Variants in PLXNA4 observed in about 807,000 individuals in gnomAD.
PLXNA4 encodes plexin A4.
In PLXNA4, 44 loss-of-function variants were observed where a neutral mutation model predicts 191.8. That is an observed-to-expected ratio of 0.23 (90% CI 0.18 to 0.29). The LOEUF is 0.29. PLXNA4 is among the 10% of genes least tolerant of loss of function. The probability of loss-of-function intolerance (pLI) is 1.00; values close to 1 mark genes in which losing one functional copy is unlikely to be tolerated. For missense variants in PLXNA4, 1,800 were observed against 2,488.8 expected (o/e 0.72, Z 5.89); for synonymous variants, 1,082 against 1,009.5 (o/e 1.07, Z -1.36).
intron 12 of PLXNA4, among the ~76,000 whole-genome samples, 190 bp from the exon 13 acceptor site, chr7:132,198,826 G>C (rs1797336765): frequency 6.6e-6 from 1 of 152,184 alleles, no homozygotes; most frequent in South Asian, 2.1e-4. Flanking sequence ...GTCCATGTTT[G>C]TGTGTGTCAC....
At chr7:132,452,271 A>G (rs1796150395) in intron 3 of PLXNA4, among the ~76,000 whole-genome samples, 1 of 152,206 alleles carries the variant, frequency 6.6e-6, no homozygotes, top group African/African-American at 2.4e-5. Context: ...TCGTTCCAGC[A>G]TGGAGAGATG....
chr7:132,188,457 C>CCAAG (rs1796951924), intron 14 of PLXNA4, among the ~76,000 whole-genome samples: 1 of 152,186 alleles, frequency 6.6e-6, no homozygotes, highest in African/African-American at 2.4e-5. Context: ...CACCAAAAGT[C>CCAAG]GAACCCTCTC....
chr7:132,307,592 G>A (rs1801575727), intron 3 of PLXNA4, among the ~76,000 whole-genome samples: 1 of 151,884 alleles, frequency 6.6e-6, no homozygotes, highest in Non-Finnish European at 1.5e-5. Flanking sequence ...CACTGTAACT[G>A]GGAGATGTTA....
chr7:132,208,661 C>T (rs1257940027), intron 10 of PLXNA4, among the ~76,000 whole-genome samples: 1 of 152,234 alleles, frequency 6.6e-6, no homozygotes, highest in African/African-American at 2.4e-5. Flanking sequence ...GGACATCAGG[C>T]TTCCAGATGT....
rs1183020863 is a variant in PLXNA4, at chr7:132,181,441, A to G, written c.3432T>C (p.Phe1144=). 1 of 1,614,096 alleles carries G rather than the reference A, an allele frequency of 6.2e-7. No homozygotes were observed. The highest frequency in any genetic ancestry group is 8.5e-7 in the Non-Finnish European group (1 of 1,180,020). ...GGATTCCTGAGGGACCAAAGGCCTC[A>G]AACACCGGGTTGGGATAGTAGGTGA... ...TNFTYYPNPV[F]EAFGPSGILE... Residue 1144 remains phenylalanine, a synonymous_variant, in exon 18 of 32, where the codon TTT becomes TTC. Coordinates refer to ENST00000321063, the MANE Select transcript of PLXNA4 (RefSeq NM_020911.2).
intron 8 of PLXNA4, among the ~76,000 whole-genome samples, chr7:132,223,921 T>C (rs1798228405): frequency 6.6e-6 from 1 of 151,994 alleles, no homozygotes; most frequent in Admixed American, 6.6e-5. Context: ...CATCCTCCTT[T>C]TCAAAAGAGG....
chr7:132,572,174 T>A (rs1056544059), intron 1 of PLXNA4, among the ~76,000 whole-genome samples: 4 of 152,196 alleles, frequency 2.6e-5, no homozygotes, highest in Admixed American at 2.6e-4. Context: ...AAGGTCAGAT[T>A]GCTCACAAGT....
chr7:132,529,827 G>A (rs1277075437), intron 1 of PLXNA4, among the ~76,000 whole-genome samples: 3 of 152,072 alleles, frequency 2.0e-5, no homozygotes, highest in South Asian at 2.1e-4. Flanking sequence ...GGATGGTCTC[G>A]ATCTCCAGAC....
chr7:132,286,103 G>C (rs1800673208), intron 4 of PLXNA4, among the ~76,000 whole-genome samples: 1 of 152,164 alleles, frequency 6.6e-6, no homozygotes, highest in African/African-American at 2.4e-5. Context: ...TGGGTTTCTG[G>C]AGCAATTCCC....
At chr7:132,547,211 C>T (rs533957133) in intron 1 of PLXNA4, among the ~76,000 whole-genome samples, 11 of 152,314 alleles carry the variant, frequency 7.2e-5, no homozygotes, top group African/African-American at 2.4e-4. Flanking sequence ...GACCACTTCA[C>T]ACACGTCATC....
intron 4 of PLXNA4, among the ~76,000 whole-genome samples, chr7:132,275,197 A>T (rs1252206984): frequency 6.6e-6 from 1 of 152,054 alleles, no homozygotes; most frequent in Non-Finnish European, 1.5e-5. Flanking sequence ...AAAAATCTTG[A>T]TTTTGTCTTC....
rs772516958 is a variant in PLXNA4 at position 132,146,567 on chromosome 7, C to A, written c.4998G>T (p.Gly1666=). ...KNHEHGDQKE[G]DRGSKMVSEI... Reference sequence around the variant, plus strand: ...CAGACACCATCTTGCTCCCCCGGTCCCCCTCCTTCTGGTCTCCGTGCTCGT... The same window carrying A: ...CAGACACCATCTTGCTCCCCCGGTCACCCTCCTTCTGGTCTCCGTGCTCGT... The change falls in exon 28 of 32, where the codon GGG becomes GGT. Residue 1666 remains glycine, a synonymous_variant. Transcript: ENST00000321063. The A allele has an allele frequency of 6.2e-7, 1 of 1,614,030 alleles. No individual in the cohort carries two copies. The highest frequency in any genetic ancestry group is 1.3e-5 in the African/African-American group (1 of 74,906).
At chr7:132,303,616 G>T (rs1801398721) in intron 3 of PLXNA4, among the ~76,000 whole-genome samples, 1 of 152,158 alleles carries the variant, frequency 6.6e-6, no homozygotes, top group Admixed American at 6.5e-5. Context: ...AAGGTACTTT[G>T]GTTGTTTGGA....
intron 2 of PLXNA4, among the ~76,000 whole-genome samples, chr7:132,492,933 G>C (rs1012512931): frequency 1.3e-5 from 2 of 152,178 alleles, no homozygotes; most frequent in African/African-American, 4.8e-5. Context: ...CATGCCTCTT[G>C]ACCACAGCAT....
intron 3 of PLXNA4, among the ~76,000 whole-genome samples, chr7:132,466,095 G>A (rs1796688915): frequency 6.6e-6 from 1 of 152,154 alleles, no homozygotes; most frequent in African/African-American, 2.4e-5. Context: ...AGACGAAGAA[G>A]CTGGAAGCCA....
intron 9 of PLXNA4, among the ~76,000 whole-genome samples, chr7:132,222,689 G>T (rs1311797204): frequency 6.6e-6 from 1 of 152,200 alleles, no homozygotes; most frequent in Non-Finnish European, 1.5e-5. Flanking sequence ...TTGAACAACA[G>T]AATTTTCCAG....
chr7:132,526,716 C>T (rs1349190212), intron 1 of PLXNA4, among the ~76,000 whole-genome samples: 1 of 152,164 alleles, frequency 6.6e-6, no homozygotes, highest in Non-Finnish European at 1.5e-5. Flanking sequence ...CATGGCTTCT[C>T]AAGAAGGAGG....
intron 3 of PLXNA4, among the ~76,000 whole-genome samples, chr7:132,323,087 G>C (rs576959547): frequency 6.6e-6 from 1 of 152,204 alleles, no homozygotes; most frequent in Non-Finnish European, 1.5e-5. Context: ...GAAAAGATCC[G>C]TTGGGGGAGA....
At chr7:132,188,390 A>C (rs1199369252) in intron 14 of PLXNA4, among the ~76,000 whole-genome samples, 1 of 152,190 alleles carries the variant, frequency 6.6e-6, no homozygotes, top group Non-Finnish European at 1.5e-5. Flanking sequence ...CTGTATCTGC[A>C]TTTAAATGAA....
Sources: gnomAD v4.1 joint callset for allele counts (sites outside exome capture counted in the v4.1 genomes callset) on GRCh38, gnomAD v4.1.1 for gene constraint, MANE v1.5 for transcripts, NCBI Gene and HGNC (gene_info 2026-07-23, HGNC 2026-07-21) for gene names.